Variants in TGFBRAP1 observed in about 807,000 individuals in gnomAD.
TGFBRAP1 encodes the protein transforming growth factor beta receptor associated protein 1.
In TGFBRAP1, 20 loss-of-function variants were observed where a neutral mutation model predicts 83.2. The observed-to-expected ratio is 0.24, with a 90% confidence interval of 0.17 to 0.35. The LOEUF (loss-of-function observed/expected upper bound fraction) is 0.35. Ranked by LOEUF, TGFBRAP1 falls within the 10% of genes least tolerant of loss-of-function variation. The pLI is 1.00. For missense variants in TGFBRAP1, 950 were observed against 1,099.4 expected (o/e 0.86, Z 1.92); for synonymous variants, 415 against 459.8 (o/e 0.90, Z 1.25).
rs532286395 is a variant in TGFBRAP1, at chr2:105,274,152, TATC to T, written c.1666-465_1666-463del. On this transcript the variant is annotated intron_variant, in intron 8 of 11. Transcript: ENST00000393359. ...TAAACTCACTTCTCTGAACATGGATTATCTACTCTGGGTTATTTATGATAGATG... is the reference window on the plus strand; with the variant it reads ...TAAACTCACTTCTCTGAACATGGATTTACTCTGGGTTATTTATGATAGATG... Among the ~76,000 whole-genome samples the T allele has an allele frequency of 1.1e-4, 16 of 152,332 alleles. No individual in the cohort carries two copies. The East Asian group carries it at 3.1e-3, about 29-fold the overall frequency.
chr2:105,272,710 TAA>T, intron 10 of TGFBRAP1, 143 bp downstream of exon 10: 1 of 1,123,226 alleles, frequency 8.9e-7, no homozygotes, highest in Non-Finnish European at 1.2e-6. Context: ...TGTCTTCATT[TAA>T]AAAAATCTTT....
chr2:105,261,285 C>T (rs555569283), downstream of TGFBRAP1, among the ~76,000 whole-genome samples: 7 of 152,224 alleles, frequency 4.6e-5, no homozygotes, highest in Non-Finnish European at 7.4e-5. Context: ...GCTCAAAGCA[C>T]GTAGCGTCAT....
At chr2:105,290,005 G>A (rs1012186661) in intron 4 of TGFBRAP1, among the ~76,000 whole-genome samples, 1 of 152,170 alleles carries the variant, frequency 6.6e-6, no homozygotes, top group Non-Finnish European at 1.5e-5. Flanking sequence ...TTCTTATTGT[G>A]CATACCGCTA....
intron 1 of TGFBRAP1, among the ~76,000 whole-genome samples, chr2:105,321,114 A>G (rs973208344): frequency 1.3e-5 from 2 of 152,016 alleles, no homozygotes; most frequent in Non-Finnish European, 2.9e-5. Context: ...CTTTCTTTGC[A>G]TCTTCCTACA....
rs547843699 is a variant in TGFBRAP1, at chr2:105,266,694, A to G, written c.*689T>C. 1 of 152,234 alleles carries G rather than the reference A, an allele frequency of 6.6e-6. No individual in the cohort carries two copies. Among genetic ancestry groups the G allele is most frequent in the Admixed American group, 6.5e-5 (1 of 15,278 alleles). 9.4% of individuals were successfully genotyped at this position (152,234 alleles called of 1,614,324 possible). A position where few individuals can be genotyped will look rare whatever the true frequency, so the allele number is the denominator to read the frequency against. On this transcript the variant is annotated 3_prime_UTR_variant, in exon 12 of 12. Coordinates refer to ENST00000393359, the MANE Select transcript of TGFBRAP1 (RefSeq NM_004257.6). ...GATCTTCACTTGCTAGGCAGCCAGA[A>G]GCATTAGTTCACCCAAGAGTGAGTG...
chr2:105,315,418 A>G (rs1573216221), intron 1 of TGFBRAP1, among the ~76,000 whole-genome samples: 2 of 152,352 alleles, frequency 1.3e-5, no homozygotes, highest in East Asian at 3.9e-4. Context: ...AGACATGAGG[A>G]TAGACCAACA....
intron 4 of TGFBRAP1, among the ~76,000 whole-genome samples, chr2:105,287,022 A>G (rs1238846492): frequency 6.6e-6 from 1 of 152,242 alleles, no homozygotes; most frequent in African/African-American, 2.4e-5. Context: ...CAGTCTTAAA[A>G]AGGAAGGGAG....
At chr2:105,268,399 T>C (rs1007306969) in intron 11 of TGFBRAP1, among the ~76,000 whole-genome samples, 5 of 152,176 alleles carry the variant, frequency 3.3e-5, no homozygotes, top group African/African-American at 1.2e-4. Flanking sequence ...GAGAAGGTGA[T>C]TACTCTACTT....
intron 1 of TGFBRAP1, among the ~76,000 whole-genome samples, chr2:105,318,431 T>C (rs1331535268): frequency 6.6e-6 from 1 of 152,218 alleles, no homozygotes; most frequent in African/African-American, 2.4e-5. Context: ...ATTACAAATA[T>C]ATTTTTATAG....
chr2:105,294,027 C>A (rs559948625), intron 4 of TGFBRAP1, among the ~76,000 whole-genome samples: 1 of 152,200 alleles, frequency 6.6e-6, no homozygotes, highest in South Asian at 2.1e-4. Flanking sequence ...AGAGAAGTAC[C>A]CTCCAGTAAT....
At chr2:105,303,936 A>C (rs1678396618) in intron 2 of TGFBRAP1, among the ~76,000 whole-genome samples, 1 of 152,254 alleles carries the variant, frequency 6.6e-6, no homozygotes, top group South Asian at 2.1e-4. Context: ...AAAGCAAAAA[A>C]GAGATGAAGC....
intron 9 of TGFBRAP1, 45 bp downstream of exon 9, chr2:105,273,499 G>A (rs374048161): frequency 2.8e-5 from 45 of 1,603,370 alleles, no homozygotes; most frequent in East Asian, 2.2e-4. Flanking sequence ...GTTCAATTCC[G>A]TCTCTCCAGC....
chr2:105,267,423 T>C lies in TGFBRAP1; in HGVS notation c.2543A>G (p.His848Arg), dbSNP rs1157555159. ...LVHTHCAASR[H>R]TNPSSSSPGT... Reference sequence around the variant, plus strand: ...AGGACTGGATGAGCTGGGGTTTGTGTGTCTGCTGGCGGCACAGTGGGTGTG... The same window carrying C: ...AGGACTGGATGAGCTGGGGTTTGTGCGTCTGCTGGCGGCACAGTGGGTGTG... Residue 848 changes from histidine (H) to arginine (R), a missense_variant, in exon 12 of 12, where the codon CAC becomes CGC. Physicochemically the swap from His to Arg is conservative, Grantham distance 29. Coordinates refer to ENST00000393359, the MANE Select transcript of TGFBRAP1 (RefSeq NM_004257.6). 5.6e-6 allele frequency: 9 copies of C among 1,614,224 alleles called. No homozygotes were observed. Among genetic ancestry groups the C allele is most frequent in the South Asian group, 1.1e-5 (1 of 91,084 alleles).
At position 105,307,998 on chromosome 2, in the gene TGFBRAP1, C is replaced by T. The variant is rs138862476; in HGVS notation, c.304G>A (p.Val102Ile). 2.6e-5 allele frequency: 42 copies of T among 1,614,200 alleles called. No individual in the cohort carries two copies. In the African/African-American group the frequency reaches 4.9e-4, roughly 19 times the overall value. Residue 102 changes from valine (V) to isoleucine (I), a missense_variant, in exon 2 of 12, where the codon GTC becomes ATC. Coordinates refer to ENST00000393359, the MANE Select transcript of TGFBRAP1 (RefSeq NM_004257.6). ...ACTGGCTCGAGGTTCAGCATGTTGA[C>T]CAGGCTGATGGAGTTGTCACACAGC... ...LVLCDNSISLVNMLNLEPVPS... is the reference protein window; with the variant it reads ...LVLCDNSISLINMLNLEPVPS...
intron 2 of TGFBRAP1, among the ~76,000 whole-genome samples, chr2:105,307,049 G>A (rs1678523440): frequency 6.6e-6 from 1 of 152,132 alleles, no homozygotes; most frequent in Non-Finnish European, 1.5e-5. Flanking sequence ...TTAGGTGGGA[G>A]GAAAAGGTGG....
At chr2:105,280,945 G>A (rs1242034923) in intron 5 of TGFBRAP1, among the ~76,000 whole-genome samples, 1 of 152,084 alleles carries the variant, frequency 6.6e-6, no homozygotes, top group Non-Finnish European at 1.5e-5. Flanking sequence ...CAGAAGGGAC[G>A]AAGGTGAAAG....
intron 1 of TGFBRAP1, among the ~76,000 whole-genome samples, chr2:105,322,042 CAT>C (rs575449104): frequency 1.1e-4 from 16 of 152,148 alleles, no homozygotes; most frequent in Non-Finnish European, 1.3e-4. Context: ...CAGCTCCACA[CAT>C]GTTACTGCCC....
At chr2:105,309,664 C>T (rs1035899417) in intron 1 of TGFBRAP1, among the ~76,000 whole-genome samples, 1 of 152,184 alleles carries the variant, frequency 6.6e-6, no homozygotes, top group Non-Finnish European at 1.5e-5. Flanking sequence ...ACAAAACCCC[C>T]AGGAGGGAGG....
chr2:105,250,744 A>AACCTCCCTGCC, the TGFBRAP1 span, among the ~76,000 whole-genome samples: 1 of 151,824 alleles, frequency 6.6e-6, no homozygotes, highest in East Asian at 1.9e-4. Flanking sequence ...GGCTCACTGC[A>AACCTCCCTGCC]ACCTCCCTGC....
Sources: allele counts gnomAD v4.1 joint callset (sites outside exome capture counted in the v4.1 genomes callset), GRCh38; gene constraint gnomAD v4.1.1; transcripts MANE v1.5; gene names NCBI Gene and HGNC (gene_info 2026-07-23, HGNC 2026-07-21).